The following NR3C1 variants were observed in gnomAD, a reference collection of about 807,000 sequenced individuals.
The protein encoded by NR3C1 is glucocorticoid receptor.
In NR3C1, 14 loss-of-function variants were observed where a neutral mutation model predicts 74.0. The ratio of observed to expected loss-of-function variants is 0.19; its 90% CI spans 0.12 to 0.30. The LOEUF (loss-of-function observed/expected upper bound fraction) is 0.30. NR3C1 is among the 10% of genes least tolerant of loss of function. NR3C1 has a pLI of 1.00. For synonymous variants in NR3C1, 308 were observed against 332.5 expected (o/e 0.93, Z 0.80); for missense variants, 695 against 909.8 (o/e 0.76, Z 3.04).
chr5:143,372,451 C>T (rs1416096372), intron 2 of NR3C1, among the ~76,000 whole-genome samples: 1 of 152,212 alleles, frequency 6.6e-6, no homozygotes, highest in African/African-American at 2.4e-5. Flanking sequence ...AGGAATGATT[C>T]ACATCCCAGG....
At chr5:143,315,952 T>TG (rs1180571125) in intron 2 of NR3C1, among the ~76,000 whole-genome samples, 2 of 152,190 alleles carry the variant, frequency 1.3e-5, no homozygotes, top group African/African-American at 2.4e-5. Flanking sequence ...ACCCTAATTC[T>TG]GGGAAAAGGC....
chr5:143,396,885 G>C (rs1203555462), intron 2 of NR3C1, among the ~76,000 whole-genome samples: 1 of 151,734 alleles, frequency 6.6e-6, no homozygotes, highest in African/African-American at 2.4e-5. Flanking sequence ...AATGAAACAA[G>C]GCTGAAAATC....
In NR3C1 at chr5:143,279,716, G is replaced by GT. The variant is rs1246308220; in HGVS notation, c.*2172dup. 3 of 265,940 alleles carry GT rather than the reference G, an allele frequency of 1.1e-5. No individual in the cohort carries two copies. In the Admixed American group the frequency reaches 1.7e-4, roughly 15 times the overall value. The allele number at this position is 265,940 out of a possible 1,614,324, so 16.5% of individuals were successfully genotyped here. ...TGTTGTAGGATAGAAAGGAATTAGTGTATTATTGGCAACCTATGAGATTCT... is the reference window on the plus strand; with the variant it reads ...TGTTGTAGGATAGAAAGGAATTAGTGTTATTATTGGCAACCTATGAGATTCT... On this transcript the variant is annotated 3_prime_UTR_variant, in exon 9 of 9. Transcript: ENST00000394464.
At chr5:143,410,959 G>A (rs1841270445) in intron 1 of NR3C1, among the ~76,000 whole-genome samples, 1 of 152,070 alleles carries the variant, frequency 6.6e-6, no homozygotes, top group African/African-American at 2.4e-5. Flanking sequence ...GTTAATCACA[G>A]TCATTATTAA....
upstream of NR3C1, chr5:143,404,577 C>T (rs1840956963): frequency 1.0e-6 from 1 of 969,044 alleles, no homozygotes; most frequent in Non-Finnish European, 1.2e-6. Flanking sequence ...GAGGCGCCGC[C>T]TGCCAAGTTC....
intron 2 of NR3C1, among the ~76,000 whole-genome samples, chr5:143,340,627 T>TG (rs1828022263): frequency 6.6e-6 from 1 of 151,498 alleles, no homozygotes; most frequent in South Asian, 2.1e-4. Flanking sequence ...GGATTACAGG[T>TG]GCGCGCCACC....
At chr5:143,330,925 G>A (rs1825816588) in intron 2 of NR3C1, among the ~76,000 whole-genome samples, 1 of 152,018 alleles carries the variant, frequency 6.6e-6, no homozygotes, top group African/African-American at 2.4e-5. Context: ...AAATACCAAT[G>A]ACATTCATCA....
chr5:143,345,877 G>C (rs992344871), intron 2 of NR3C1, among the ~76,000 whole-genome samples: 3 of 152,118 alleles, frequency 2.0e-5, no homozygotes, highest in African/African-American at 7.2e-5. Context: ...TATGCCACAG[G>C]AACTTAACTC....
chr5:143,382,798 T>C (rs1189351424), intron 2 of NR3C1, among the ~76,000 whole-genome samples: 1 of 152,240 alleles, frequency 6.6e-6, no homozygotes, highest in Admixed American at 6.5e-5. Flanking sequence ...GTTTGTGTAC[T>C]GGGTACAGGG....
chr5:143,403,652 C>T lies in NR3C1; in HGVS notation c.-455G>A. 1 of 985,106 alleles carries T rather than the reference C, an allele frequency of 1.0e-6. No homozygotes were observed. Among genetic ancestry groups the T allele is most frequent in the Non-Finnish European group, 1.2e-6 (1 of 829,616 alleles). 61.0% of individuals were successfully genotyped at this position (985,106 alleles called of 1,614,324 possible). A position where few individuals can be genotyped will look rare whatever the true frequency, so the allele number is the denominator to read the frequency against. On this transcript the variant is annotated 5_prime_UTR_variant, in exon 1 of 9. Coordinates refer to ENST00000394464, the MANE Select transcript of NR3C1 (RefSeq NM_000176.3). ...GAAAGGGCAGCCCGGCCTGGGCGAG[C>T]GAGCGGGACCGAGCGGGGAGCGGGT...
intron 2 of NR3C1, among the ~76,000 whole-genome samples, chr5:143,380,801 A>G (rs1836077409): frequency 6.6e-6 from 1 of 152,210 alleles, no homozygotes. Flanking sequence ...ACTATAATCA[A>G]TTAGTTTGAA....
chr5:143,354,938 A>T (rs1178126426), intron 2 of NR3C1, among the ~76,000 whole-genome samples: 1 of 151,582 alleles, frequency 6.6e-6, no homozygotes, highest in African/African-American at 2.4e-5. Context: ...AAAAAAAAAA[A>T]AGAAAAAATC....
At chr5:143,303,787 A>G (rs943322955) in intron 4 of NR3C1, among the ~76,000 whole-genome samples, 1 of 152,146 alleles carries the variant, frequency 6.6e-6, no homozygotes, top group Admixed American at 6.5e-5. Flanking sequence ...ACATATGCAA[A>G]TCAATAAATG....
At chr5:143,353,038 A>G (rs1364973713) in intron 2 of NR3C1, among the ~76,000 whole-genome samples, 1 of 152,232 alleles carries the variant, frequency 6.6e-6, no homozygotes, top group East Asian at 1.9e-4. Flanking sequence ...AAGTTTATGT[A>G]ATACTCTAAA....
At chr5:143,421,617 T>C (rs1751237971) in intron 1 of NR3C1, among the ~76,000 whole-genome samples, 1 of 151,948 alleles carries the variant, frequency 6.6e-6, no homozygotes. Flanking sequence ...GGTCTGGAAT[T>C]GAAGATCAGC....
Position 143,310,118 on chromosome 5 carries a change from G to T in NR3C1, c.1447C>A (p.Gln483Lys). 1 of 1,613,438 alleles carries T rather than the reference G, an allele frequency of 6.2e-7. No homozygotes were observed. The highest frequency in any genetic ancestry group is 1.1e-5 in the South Asian group (1 of 91,068). The change falls in exon 4 of 9, where the codon CAG becomes AAG. Residue 483 changes from glutamine to lysine, a missense_variant. Physicochemically the swap from Gln to Lys is moderately conservative, Grantham distance 53 (BLOSUM62 1). Transcript: ENST00000394464. ...TTACCTTCCAGGTTCATTCCAGCCT[G>T]AAGACATTTTCGATAGCGGCATGCT... ...CPACRYRKCLQAGMNLEARKT... is the reference protein window; with the variant it reads ...CPACRYRKCLKAGMNLEARKT...
chr5:143,400,978 T>A, intron 1 of NR3C1, 126 bp from the exon 2 acceptor site: 1 of 765,186 alleles, frequency 1.3e-6, no homozygotes, highest in Admixed American at 2.0e-5. Context: ...AATCAAATTC[T>A]TTGTTACCAG....
chr5:143,411,347 T>G (rs1467053878), intron 1 of NR3C1, among the ~76,000 whole-genome samples: 6 of 152,286 alleles, frequency 3.9e-5, no homozygotes, highest in African/African-American at 1.4e-4. Context: ...CTTGAGGAAA[T>G]ATTTTTCTAG....
chr5:143,378,686 T>C (rs1451132508), intron 2 of NR3C1, among the ~76,000 whole-genome samples: 1 of 152,240 alleles, frequency 6.6e-6, no homozygotes, highest in African/African-American at 2.4e-5. Context: ...GTTTCATCTT[T>C]TCTATTACTA....
Sources: allele counts gnomAD v4.1 joint callset (sites outside exome capture counted in the v4.1 genomes callset), GRCh38; gene constraint gnomAD v4.1.1; transcripts MANE v1.5; gene names NCBI Gene and HGNC (gene_info 2026-07-23, HGNC 2026-07-21).